The following SLC24A2 variants were observed in gnomAD, a reference collection of about 807,000 sequenced individuals.
SLC24A2 encodes solute carrier family 24 member 2.
A neutral mutation model predicts 62.0 loss-of-function variants in SLC24A2; 36 were observed. The observed-to-expected ratio is 0.58, with a 90% CI of 0.44 to 0.77. The LOEUF is 0.77. SLC24A2 is among the 30% of genes least tolerant of loss of function. The probability of loss-of-function intolerance (pLI) is 0.00; values close to 1 mark genes in which losing one functional copy is unlikely to be tolerated. For synonymous variants in SLC24A2, 358 were observed against 294.0 expected (o/e 1.22, Z -2.23); for missense variants, 846 against 817.9 (o/e 1.03, Z -0.42).
intron 8 of SLC24A2, among the ~76,000 whole-genome samples, chr9:19,542,989 T>G (rs1834352411): frequency 6.6e-6 from 1 of 152,212 alleles, no homozygotes; most frequent in African/African-American, 2.4e-5. Context: ...TTCTATTGTT[T>G]GAAATGGTTT....
the SLC24A2 span, among the ~76,000 whole-genome samples, chr9:20,196,100 T>C: frequency 2.0e-4 from 31 of 152,224 alleles, no homozygotes; most frequent in Admixed American, 1.8e-3. Context: ...TCTATACTTA[T>C]GATAGTGTGA....
chr9:20,004,655 A>T, the SLC24A2 span, among the ~76,000 whole-genome samples: 1 of 152,082 alleles, frequency 6.6e-6, no homozygotes, highest in Non-Finnish European at 1.5e-5. Flanking sequence ...TTTATAAGGG[A>T]TTTTTTCCTT....
chr9:20,199,986 C>T, the SLC24A2 span, among the ~76,000 whole-genome samples: 2 of 151,586 alleles, frequency 1.3e-5, no homozygotes, highest in Non-Finnish European at 2.9e-5. Flanking sequence ...CCATCTCGGC[C>T]TCCCAAAGTG....
At chr9:19,891,153 T>C in the SLC24A2 span, among the ~76,000 whole-genome samples, 2 of 152,216 alleles carry the variant, frequency 1.3e-5, no homozygotes, top group African/African-American at 4.8e-5. Flanking sequence ...TCTCCATTAC[T>C]GTAGCTGTCA....
intron 2 of SLC24A2, among the ~76,000 whole-genome samples, chr9:19,650,575 G>T (rs1818770740): frequency 6.6e-6 from 1 of 152,152 alleles, no homozygotes; most frequent in Non-Finnish European, 1.5e-5. Flanking sequence ...GCAGCTTGTG[G>T]CTATGAAAGG....
the SLC24A2 span, among the ~76,000 whole-genome samples, chr9:19,858,434 A>G: frequency 6.6e-6 from 1 of 152,250 alleles, no homozygotes; most frequent in Non-Finnish European, 1.5e-5. Flanking sequence ...CATTGTAGAC[A>G]TAGGAATGGG....
At chr9:19,884,611 T>C in the SLC24A2 span, among the ~76,000 whole-genome samples, 1 of 152,222 alleles carries the variant, frequency 6.6e-6, no homozygotes, top group African/African-American at 2.4e-5. Flanking sequence ...TATAAACATA[T>C]GGTTCCTGGC....
the SLC24A2 span, among the ~76,000 whole-genome samples, chr9:20,236,836 G>A: frequency 6.6e-6 from 1 of 152,088 alleles, no homozygotes; most frequent in Non-Finnish European, 1.5e-5. Context: ...ACTTGTACCA[G>A]ACATGAGGGT....
chr9:20,030,735 G>A, the SLC24A2 span, among the ~76,000 whole-genome samples: 1 of 152,188 alleles, frequency 6.6e-6, no homozygotes, highest in Non-Finnish European at 1.5e-5. Context: ...CAGTTATGAA[G>A]TGGGTATAAC....
At chr9:19,967,948 C>CT in the SLC24A2 span, 2 of 152,114 alleles carry the variant, frequency 1.3e-5, no homozygotes, top group African/African-American at 2.4e-5. Context: ...TTTGAAATAA[C>CT]TTTTTTAAAA....
chr9:19,667,182 A>T (rs1429087827), intron 2 of SLC24A2, among the ~76,000 whole-genome samples: 1 of 152,218 alleles, frequency 6.6e-6, no homozygotes, highest in Non-Finnish European at 1.5e-5. Context: ...GAAAGAAAGA[A>T]GTTGCTAAAA....
At chr9:19,762,517 T>G (rs1352860177) in intron 2 of SLC24A2, among the ~76,000 whole-genome samples, 1 of 152,226 alleles carries the variant, frequency 6.6e-6, no homozygotes, top group African/African-American at 2.4e-5. Context: ...AGTTTCAGCT[T>G]TCTGCATATG....
chr9:20,103,886 C>T, the SLC24A2 span, among the ~76,000 whole-genome samples: 9 of 152,070 alleles, frequency 5.9e-5, no homozygotes, highest in East Asian at 1.4e-3. Context: ...AGGCTTCAGA[C>T]GATCAAACTA....
intron 2 of SLC24A2, among the ~76,000 whole-genome samples, chr9:19,729,943 T>C (rs977926417): frequency 6.6e-6 from 1 of 152,200 alleles, no homozygotes; most frequent in Non-Finnish European, 1.5e-5. Context: ...CTGATTACTA[T>C]ACATTATTAT....
chr9:19,852,756 T>C, the SLC24A2 span, among the ~76,000 whole-genome samples: 1 of 152,156 alleles, frequency 6.6e-6, no homozygotes, highest in Non-Finnish European at 1.5e-5. Context: ...TAAAATGATG[T>C]CTCCAGCTTT....
chr9:19,605,074 GA>G (rs979474193), intron 4 of SLC24A2, among the ~76,000 whole-genome samples: 1 of 152,176 alleles, frequency 6.6e-6, no homozygotes, highest in African/African-American at 2.4e-5. Context: ...GGAAGATTAA[GA>G]TATCTTTCCC....
At chr9:19,743,002 A>T (rs552548980) in intron 2 of SLC24A2, among the ~76,000 whole-genome samples, 1 of 152,172 alleles carries the variant, frequency 6.6e-6, no homozygotes, top group South Asian at 2.1e-4. Context: ...AAAGTAGAGG[A>T]TCCTTATGTT....
At chr9:19,567,706 AT>A (rs1835714155) in intron 7 of SLC24A2, among the ~76,000 whole-genome samples, 1 of 149,832 alleles carries the variant, frequency 6.7e-6, no homozygotes, top group African/African-American at 2.5e-5. Flanking sequence ...AAAAAAAAAA[AT>A]TTGAGAAGGT....
the SLC24A2 span, among the ~76,000 whole-genome samples, chr9:20,035,457 G>A: frequency 6.6e-6 from 1 of 152,116 alleles, no homozygotes; most frequent in Non-Finnish European, 1.5e-5. Context: ...TGAAGCTGCA[G>A]AAGATTTTGA....
Sources: gnomAD v4.1 joint callset for allele counts (sites outside exome capture counted in the v4.1 genomes callset) on GRCh38, gnomAD v4.1.1 for gene constraint, MANE v1.5 for transcripts, NCBI Gene and HGNC (gene_info 2026-07-23, HGNC 2026-07-21) for gene names.